Variants in ZC3H4 observed in about 807,000 individuals in gnomAD.
ZC3H4 encodes the protein zinc finger CCCH domain-containing protein 4.
ZC3H4 carries 13 observed loss-of-function variants against 108.3 expected under a neutral mutation model. That is an observed-to-expected ratio of 0.12 (90% CI 0.08 to 0.19). The LOEUF is 0.19. ZC3H4 is among the 10% of genes least tolerant of loss of function. ZC3H4 has a pLI of 1.00. For missense variants in ZC3H4, 1,734 were observed against 1,838.8 expected, an observed-to-expected ratio of 0.94 and a Z score of 1.04; for synonymous variants, 917 against 749.6, an observed-to-expected ratio of 1.22 and a Z score of -3.65.
chr19:47,072,234 C>A lies in ZC3H4; in HGVS notation c.1803-113G>T. 1 of 1,392,398 alleles carries A rather than the reference C, an allele frequency of 7.2e-7. No homozygotes were observed. Among genetic ancestry groups the A allele is most frequent in the Non-Finnish European group, 9.7e-7 (1 of 1,030,478 alleles). 86.3% of individuals were successfully genotyped at this position (1,392,398 alleles called of 1,614,324 possible). The stretch of plus-strand genomic sequence containing the variant: ...GAAGGTCATGGGCCCCAGACCAGGA[C>A]TCCCACAGCTGGGGAGAGAGGCAGG... On this transcript the variant is annotated intron_variant, in intron 12 of 14. Coordinates refer to ENST00000253048, the MANE Select transcript of ZC3H4 (RefSeq NM_015168.2). The surrounding 1 kb of genome is among the most constrained non-coding windows in gnomAD (Gnocchi z 5.6).
chr19:47,069,005 G>A, intron 14 of ZC3H4, 87 bp downstream of exon 14: 1 of 1,582,532 alleles, frequency 6.3e-7, no homozygotes, highest in Admixed American at 1.7e-5. Flanking sequence ...TTCCTGACAG[G>A]AAACCCAACC....
At position 47,072,467 on chromosome 19, in the gene ZC3H4, C is replaced by T. The variant is rs2057347278; in HGVS notation, c.1687G>A (p.Glu563Lys). The change falls in exon 12 of 15, where the codon GAG becomes AAG. Residue 563 changes from glutamate (E) to lysine (K), a missense_variant. Physicochemically the swap from Glu to Lys is moderately conservative, Grantham distance 56. This residue lies in a region of ZC3H4 where 75 missense variants were observed against 85.8 expected (regional missense o/e 0.87). Transcript: ENST00000253048. The surrounding 1 kb of genome is among the most constrained non-coding windows in gnomAD (Gnocchi z 5.6). ...TGCAGCTGCTGCGGGGACAGTGGCT[C>T]ATGCACCGGCATGGGCATCTGAGGG... ...GPPQMPMPVH[E>K]PLSPQQLQQQ... 3 of 1,585,880 alleles carry T rather than the reference C, an allele frequency of 1.9e-6. No individual in the cohort carries two copies. The highest frequency in any genetic ancestry group is 4.6e-5 in the East Asian group (2 of 43,908).
chr19:47,084,403 T>G lies in ZC3H4; in HGVS notation c.1160A>C (p.Gln387Pro), dbSNP rs1470935599. Residue 387 changes from glutamine (Q) to proline (P), a missense_variant, in exon 9 of 15, where the codon CAG becomes CCG. Gln to Pro is a moderately conservative substitution (Grantham distance 76). This residue lies in a region of ZC3H4 where 403 missense variants were observed against 457.0 expected (regional missense o/e 0.88). Transcript: ENST00000253048. ...RSRDHDKPHQ[Q>P]SDKKGKVICK... ...AATGACTTTGCCTTTCTTGTCCGAC[T>G]GCTGGTGGGGCTTGTCATGGTCACG... 6.2e-7 allele frequency: 1 copy of G among 1,614,262 alleles called. No individual in the cohort carries two copies. Among genetic ancestry groups the G allele is most frequent in the Admixed American group, 1.7e-5 (1 of 60,030 alleles).
rs2057187632 is a variant in ZC3H4 at position 47,066,022 on chromosome 19, C to T, written c.*334G>A. 4.6e-6 allele frequency: 1 copy of T among 217,986 alleles called. No individual in the cohort carries two copies. The highest frequency in any genetic ancestry group is 9.0e-6 in the Non-Finnish European group (1 of 111,694). 13.5% of individuals were successfully genotyped at this position (217,986 alleles called of 1,614,324 possible). ...GGCCATGCTTTGCCCAGAAAACCCA[C>T]TGGGCCTCCAGCAAGGCCCGGCCAC... On this transcript the variant is annotated 3_prime_UTR_variant, in exon 15 of 15. Coordinates refer to ENST00000253048, the MANE Select transcript of ZC3H4 (RefSeq NM_015168.2).
intron 13 of ZC3H4, among the ~76,000 whole-genome samples, chr19:47,070,453 G>A (rs145902000): frequency 2.0e-4 from 31 of 152,208 alleles, no homozygotes; most frequent in African/African-American, 7.0e-4. Flanking sequence ...ATGTTAGAGG[G>A]AGGATTTTAT....
In ZC3H4 at chr19:47,072,998, C is replaced by T. The variant is rs1201002003; in HGVS notation, c.1441-285G>A. Among the ~76,000 whole-genome samples the T allele has an allele frequency of 1.3e-5, 2 of 152,084 alleles. No individual in the cohort carries two copies. The highest frequency in any genetic ancestry group is 6.5e-5 in the Admixed American group (1 of 15,270). ...ATTTAAAGTGAACGATTCAGCTGGGCGCAGGGACTCACATCTGTAATCCCA... is the reference window on the plus strand; with the variant it reads ...ATTTAAAGTGAACGATTCAGCTGGGTGCAGGGACTCACATCTGTAATCCCA... On this transcript the variant is annotated intron_variant, in intron 11 of 14. Transcript: ENST00000253048. This position sits in a 1 kb window ranked among gnomAD's most constrained non-coding sequence, Gnocchi z 5.6.
chr19:47,071,822 T>C lies in ZC3H4; in HGVS notation c.2102A>G (p.Gln701Arg), dbSNP rs781476039. 1 of 1,613,556 alleles carries C rather than the reference T, an allele frequency of 6.2e-7. No individual in the cohort carries two copies. Among genetic ancestry groups the C allele is most frequent in the Non-Finnish European group, 8.5e-7 (1 of 1,179,906 alleles). The change falls in exon 13 of 15, where the codon CAG becomes CGG. Residue 701 changes from glutamine to arginine, a missense_variant. Gln to Arg is a conservative substitution (Grantham distance 43, BLOSUM62 1). Coordinates refer to ENST00000253048, the MANE Select transcript of ZC3H4 (RefSeq NM_015168.2). The stretch of plus-strand genomic sequence containing the variant: ...GGGCTCCATCTCCATGCCCTCCTGC[T>C]GCTGGTAGAAGTTTTCATAGAAGTT... ...AQNFYENFYQ[Q>R]QEGMEMEPGL...
At chr19:47,081,705 CT>C in intron 10 of ZC3H4, 83 bp from the exon 11 acceptor site, 2 of 1,224,316 alleles carry the variant, frequency 1.6e-6, no homozygotes, top group Non-Finnish European at 2.4e-6. Flanking sequence ...ATCCAGCTCC[CT>C]TTGTTTTGGA....
chr19:47,097,003 A>T, intron 2 of ZC3H4: 6 of 985,418 alleles, frequency 6.1e-6, no homozygotes, highest in Non-Finnish European at 7.2e-6. Context: ...GGCTCGGACG[A>T]AGGTACAGGC....
Position 47,066,367 on chromosome 19 carries a change from AG to A in ZC3H4, c.3900del (p.Cys1302AlafsTer25). On this transcript the variant is annotated frameshift_variant, in exon 15 of 15. Transcript: ENST00000253048. LOFTEE classifies it high-confidence loss of function. The part of the protein sequence containing the change: ...VFKGFDPTAS[P>X]FCQ ...GCTCTGGCTGGACACTACTGGCAAA[AG>A]GGGGAGGCCGTGGGGTCGAAGCCTT... The A allele has an allele frequency of 1.9e-6, 3 of 1,551,600 alleles. No homozygotes were observed. The highest frequency in any genetic ancestry group is 1.2e-5 in the South Asian group (1 of 81,234).
intron 11 of ZC3H4, among the ~76,000 whole-genome samples, chr19:47,075,364 C>T (rs567896231): frequency 6.6e-6 from 1 of 152,268 alleles, no homozygotes; most frequent in South Asian, 2.1e-4. Flanking sequence ...AACACTGCCA[C>T]GGGCTCACTT....
chr19:47,090,847 G>C (rs188082049), intron 4 of ZC3H4, among the ~76,000 whole-genome samples: 1 of 152,088 alleles, frequency 6.6e-6, no homozygotes, highest in African/African-American at 2.4e-5. Flanking sequence ...TTCTAACAAA[G>C]TTACCACAAC....
At chr19:47,091,311 C>G (rs1417380039) in intron 4 of ZC3H4, among the ~76,000 whole-genome samples, 10 of 152,132 alleles carry the variant, frequency 6.6e-5, no homozygotes, top group Admixed American at 6.6e-4. Flanking sequence ...TAGCTCACAC[C>G]TGTAATCCCA....
intron 2 of ZC3H4, among the ~76,000 whole-genome samples, chr19:47,101,777 A>G (rs2057907055): frequency 6.6e-6 from 1 of 151,920 alleles, no homozygotes; most frequent in South Asian, 2.1e-4. Context: ...AGGCTGAGGC[A>G]GGAGAATCAC....
chr19:47,086,242 C>CA (rs1369676103), intron 6 of ZC3H4, 142 bp downstream of exon 6: 13 of 913,166 alleles, frequency 1.4e-5, no homozygotes, highest in Non-Finnish European at 2.2e-5. Flanking sequence ...TAAACACATA[C>CA]ATCTGCGCTC....
intron 3 of ZC3H4, 87 bp from the exon 4 acceptor site, chr19:47,094,167 T>C (rs2057784195): frequency 4.4e-6 from 6 of 1,363,826 alleles, no homozygotes; most frequent in Non-Finnish European, 6.2e-6. Context: ...TATGCTGGCA[T>C]GTGCCGCAGG....
rs549584685 is a variant in ZC3H4 at position 47,085,121 on chromosome 19, T to C, written c.1042A>G (p.Ser348Gly). The C allele has an allele frequency of 1.5e-4, 239 of 1,614,228 alleles. 2 individuals carry two copies. In the South Asian group the frequency reaches 2.4e-3, roughly 16 times the overall value. ...GMGRGRGRGG[S>G]RGGMNKGGMN... Reference sequence around the variant, plus strand: ...CCGCCCTTGTTCATCCCTCCTCGGCTGCCACCTCGGCCTCGGCCCCGACCC... The same window carrying C: ...CCGCCCTTGTTCATCCCTCCTCGGCCGCCACCTCGGCCTCGGCCCCGACCC... Residue 348 changes from serine (S) to glycine (G), a missense_variant, in exon 8 of 15, where the codon AGC becomes GGC. Transcript: ENST00000253048.
Position 47,112,469 on chromosome 19 carries a change from G to T in ZC3H4, c.116C>A (p.Ala39Asp). Residue 39 changes from alanine to aspartate, a missense_variant, in exon 2 of 15, where the codon GCC becomes GAC. Around this residue, in one of 9 missense-constraint regions of ZC3H4, gnomAD observed 112 missense variants for 73.3 expected, o/e 1.53. Coordinates refer to ENST00000253048, the MANE Select transcript of ZC3H4 (RefSeq NM_015168.2). ...PPPCSPDARP[A>D]TPHLLHHRLP... The stretch of plus-strand genomic sequence containing the variant: ...GCGGTGGTGGAGGAGGTGCGGGGTG[G>T]CCGGGCGGGCGTCGGGGGAACACGG... 1 of 1,199,288 alleles carries T rather than the reference G, an allele frequency of 8.3e-7. No homozygotes were observed. The highest frequency in any genetic ancestry group is 1.6e-5 in the African/African-American group (1 of 63,742). 74.3% of individuals were successfully genotyped at this position (1,199,288 alleles called of 1,614,324 possible). A position where few individuals can be genotyped will look rare whatever the true frequency, so the allele number is the denominator to read the frequency against.
Position 47,083,853 on chromosome 19 carries a change from G to C in ZC3H4, c.1218+492C>G, listed in dbSNP as rs567072736. ...TGGGATACTGGGGTAAGAAGCTGCC[G>C]GCTGAACTAATACTGGGTTATTATA... On this transcript the variant is annotated intron_variant, in intron 9 of 14. Coordinates refer to ENST00000253048, the MANE Select transcript of ZC3H4 (RefSeq NM_015168.2). 3.9e-5 allele frequency among the ~76,000 whole-genome samples: 6 copies of C among 152,252 alleles called. No individual in the cohort carries two copies. In the South Asian group the frequency reaches 1.2e-3, roughly 32 times the overall value.
Sources: allele counts gnomAD v4.1 joint callset (sites outside exome capture counted in the v4.1 genomes callset), GRCh38; gene constraint gnomAD v4.1.1; regional missense constraint gnomAD v4.1.1; non-coding constraint Gnocchi (gnomAD v3.1); transcripts MANE v1.5; gene names NCBI Gene and HGNC (gene_info 2026-07-23, HGNC 2026-07-21).